SPMAP2L: variants seen among roughly 807,000 people sequenced by gnomAD.
The protein encoded by SPMAP2L is sperm microtubule associated protein 2-like.
chr4:56,594,269 A>T, the SPMAP2L span: 3 of 1,573,842 alleles, frequency 1.9e-6, no homozygotes, highest in Non-Finnish European at 2.6e-6. Flanking sequence ...TGTCCGGTAT[A>T]TGAAGAAACT....
At chr4:56,598,492 G>A in the SPMAP2L span, among the ~76,000 whole-genome samples, 1 of 152,154 alleles carries the variant, frequency 6.6e-6, no homozygotes, top group Admixed American at 6.5e-5. Flanking sequence ...GGGTAATTAG[G>A]CTGACTTGTC....
the SPMAP2L span, among the ~76,000 whole-genome samples, chr4:56,586,806 C>G: frequency 1.3e-5 from 2 of 152,052 alleles, no homozygotes; most frequent in African/African-American, 4.8e-5. Context: ...AGCAGTCATA[C>G]TCTGTTTATT....
chr4:56,572,376 T>C, the SPMAP2L span, among the ~76,000 whole-genome samples: 1 of 152,230 alleles, frequency 6.6e-6, no homozygotes, highest in Admixed American at 6.5e-5. Context: ...GGTGGTTCAT[T>C]GTTGACCGAA....
At chr4:56,551,209 T>A in the SPMAP2L span, among the ~76,000 whole-genome samples, 1 of 152,208 alleles carries the variant, frequency 6.6e-6, no homozygotes, top group Admixed American at 6.5e-5. Context: ...GGGGATGCTT[T>A]TCCTTATCAC....
chr4:56,593,150 C>A, the SPMAP2L span: 6 of 1,567,684 alleles, frequency 3.8e-6, no homozygotes, highest in Non-Finnish European at 5.3e-6. Flanking sequence ...TACTCCATAC[C>A]AGCCTGAGGT....
At chr4:56,588,689 C>T in the SPMAP2L span, among the ~76,000 whole-genome samples, 1 of 152,174 alleles carries the variant, frequency 6.6e-6, no homozygotes, top group Non-Finnish European at 1.5e-5. Flanking sequence ...CCTCAGCATC[C>T]CAAAGTGCTG....
chr4:56,531,496 C>T, the SPMAP2L span, among the ~76,000 whole-genome samples: 6 of 152,298 alleles, frequency 3.9e-5, no homozygotes, highest in South Asian at 1.2e-3. Context: ...TTGCATCCCT[C>T]TGGGTTGCAC....
chr4:56,548,766 GC>G, the SPMAP2L span: 73 of 1,457,356 alleles, frequency 5.0e-5, no homozygotes, highest in Non-Finnish European at 6.2e-5. Context: ...TCTAATTTTT[GC>G]TTTTACTTTT....
chr4:56,579,873 G>A, the SPMAP2L span, among the ~76,000 whole-genome samples: 1 of 152,160 alleles, frequency 6.6e-6, no homozygotes, highest in Non-Finnish European at 1.5e-5. Flanking sequence ...ACAAACTACT[G>A]AATCTGAGTC....
At chr4:56,604,898 A>G in the SPMAP2L span, among the ~76,000 whole-genome samples, 741 of 152,338 alleles carry the variant, frequency 4.9e-3, 7 homozygotes, top group African/African-American at 0.016. Context: ...GAAGTAACTC[A>G]GGAATGGAAA....
chr4:56,531,517 A>G, the SPMAP2L span, among the ~76,000 whole-genome samples: 1 of 152,030 alleles, frequency 6.6e-6, no homozygotes, highest in African/African-American at 2.4e-5. Context: ...TTTGAATGTT[A>G]CCCTTATTAG....
chr4:56,560,591 T>A, the SPMAP2L span, among the ~76,000 whole-genome samples: 1 of 152,158 alleles, frequency 6.6e-6, no homozygotes, highest in Non-Finnish European at 1.5e-5. Context: ...TCAACAAGTT[T>A]GTATCATTTT....
the SPMAP2L span, among the ~76,000 whole-genome samples, chr4:56,602,142 C>A: frequency 6.6e-6 from 1 of 152,084 alleles, no homozygotes; most frequent in Admixed American, 6.6e-5. Flanking sequence ...CCTCTCATTT[C>A]TGTTTATTTT....
chr4:56,602,834 A>C, the SPMAP2L span, among the ~76,000 whole-genome samples: 3,545 of 152,288 alleles, frequency 0.023, 130 homozygotes, highest in African/African-American at 0.078. Context: ...TTATTTTCTT[A>C]AGTCTACCAG....
chr4:56,575,196 C>T, the SPMAP2L span, among the ~76,000 whole-genome samples: 2 of 151,694 alleles, frequency 1.3e-5, no homozygotes, highest in African/African-American at 4.8e-5. Context: ...TTGCAGTGAG[C>T]CAAGATCGCA....
the SPMAP2L span, among the ~76,000 whole-genome samples, chr4:56,565,122 G>A: frequency 1.3e-5 from 2 of 152,150 alleles, no homozygotes; most frequent in Non-Finnish European, 2.9e-5. Flanking sequence ...CACTTGCAAA[G>A]GATGTGTATT....
the SPMAP2L span, chr4:56,552,710 C>A: frequency 1.4e-6 from 1 of 713,958 alleles, no homozygotes; most frequent in Non-Finnish European, 2.4e-6. Context: ...TTAACTAGAT[C>A]CTCTGAACCA....
At chr4:56,604,129 T>C in the SPMAP2L span, among the ~76,000 whole-genome samples, 2 of 152,210 alleles carry the variant, frequency 1.3e-5, no homozygotes, top group Non-Finnish European at 2.9e-5. Context: ...AACGTCTTTG[T>C]GTTACAGAGG....
the SPMAP2L span, among the ~76,000 whole-genome samples, chr4:56,613,680 G>A: frequency 6.6e-6 from 1 of 152,186 alleles, no homozygotes; most frequent in Non-Finnish European, 1.5e-5. Flanking sequence ...GCCTGAGTCA[G>A]GCAGCCATTT....
Sources: allele counts gnomAD v4.1 joint callset (sites outside exome capture counted in the v4.1 genomes callset), GRCh38; gene constraint gnomAD v4.1.1; transcripts MANE v1.5; gene names NCBI Gene and HGNC (gene_info 2026-07-23, HGNC 2026-07-21).